The following CEP192 variants were observed in gnomAD, a reference collection of about 807,000 sequenced individuals.
CEP192 encodes the protein centrosomal protein 192, also known as centrosomal protein of 192 kDa.
In CEP192, 151 loss-of-function variants were observed where a neutral mutation model predicts 271.8. That is an observed-to-expected ratio of 0.56 (90% CI 0.49 to 0.64). CEP192 has a LOEUF of 0.64. CEP192 is among the 30% of genes least tolerant of loss of function. The probability of loss-of-function intolerance (pLI) is 0.00; values close to 1 mark genes in which losing one functional copy is unlikely to be tolerated. For synonymous variants in CEP192, 995 were observed against 1,076.5 expected, an observed-to-expected ratio of 0.92 and a Z score of 1.48; for missense variants, 2,910 against 3,020.5, an observed-to-expected ratio of 0.96 and a Z score of 0.86.
chr18:13,087,533 T>C lies in CEP192; in HGVS notation c.5880T>C (p.Asn1960=). The C allele has an allele frequency of 7.2e-7, 1 of 1,381,696 alleles. No individual in the cohort carries two copies. Among genetic ancestry groups the C allele is most frequent in the Non-Finnish European group, 1.0e-6 (1 of 999,842 alleles). The allele number at this position is 1,381,696 out of a possible 1,614,324, so 85.6% of individuals were successfully genotyped here. A position where few individuals can be genotyped will look rare whatever the true frequency, so the allele number is the denominator to read the frequency against. ...KFVLKERTQE[N]VTLIYNPSDR... ...TGATTTTTTTTTCTTGGCATCAGAATGTTACTTTAATATATAATCCATCAG... is the reference window on the plus strand; with the variant it reads ...TGATTTTTTTTTCTTGGCATCAGAACGTTACTTTAATATATAATCCATCAG... The change falls in exon 32 of 45, where the codon AAT becomes AAC. Residue 1960 remains asparagine (N), a splice_region_variant and synonymous_variant. Coordinates refer to ENST00000506447, the MANE Select transcript of CEP192 (RefSeq NM_032142.4).
chr18:13,106,691 C>CT (rs1395740429), intron 40 of CEP192, among the ~76,000 whole-genome samples: 1 of 151,062 alleles, frequency 6.6e-6, no homozygotes, highest in Non-Finnish European at 1.5e-5. Context: ...ACCACTCCCA[C>CT]TTACAACTAC....
intron 20 of CEP192, 52 bp from the exon 21 acceptor site, chr18:13,059,030 T>G: frequency 8.7e-7 from 1 of 1,150,802 alleles, no homozygotes; most frequent in South Asian, 1.3e-5. Context: ...TGATTCTACT[T>G]GATTTTCAGT....
chr18:13,048,015 T>A (rs1035775249), intron 15 of CEP192, among the ~76,000 whole-genome samples: 1 of 152,196 alleles, frequency 6.6e-6, no homozygotes, highest in Non-Finnish European at 1.5e-5. Context: ...GTCTTTTTCA[T>A]TAGGATATTT....
At chr18:13,108,306 G>T (rs878859069) in intron 40 of CEP192, among the ~76,000 whole-genome samples, 1 of 151,994 alleles carries the variant, frequency 6.6e-6, no homozygotes, top group Non-Finnish European at 1.5e-5. Context: ...TGACAAATGG[G>T]ACCTAATTAA....
At chr18:13,114,053 G>A (rs184648424) in intron 41 of CEP192, 77 bp from the exon 42 acceptor site, 12 of 1,482,000 alleles carry the variant, frequency 8.1e-6, no homozygotes, top group Non-Finnish European at 1.1e-5. Context: ...GGAAATGATA[G>A]AATTCAAATA....
At chr18:13,109,385 G>T (rs1016913016) in intron 40 of CEP192, among the ~76,000 whole-genome samples, 1 of 152,182 alleles carries the variant, frequency 6.6e-6, no homozygotes, top group Non-Finnish European at 1.5e-5. Flanking sequence ...AGAAACTGGG[G>T]ACTACTGGAA....
At chr18:13,088,790 C>T (rs1187749724) in intron 32 of CEP192, 6 of 272,374 alleles carry the variant, frequency 2.2e-5, no homozygotes, top group South Asian at 9.8e-5. Flanking sequence ...AATTTAATGG[C>T]GACTTGCTAC....
chr18:13,023,456 T>C (rs2143326264), intron 9 of CEP192, among the ~76,000 whole-genome samples: 1 of 149,706 alleles, frequency 6.7e-6, no homozygotes, highest in Non-Finnish European at 1.5e-5. Flanking sequence ...TTATCATGAA[T>C]GGGTGTTAGA....
chr18:13,098,679 G>T (rs941216507), intron 36 of CEP192, among the ~76,000 whole-genome samples: 1 of 150,402 alleles, frequency 6.6e-6, no homozygotes, highest in African/African-American at 2.5e-5. Flanking sequence ...AGGCAGAGAC[G>T]CTCCTCACTT....
chr18:12,998,041 G>C (rs999028628), intron 1 of CEP192, among the ~76,000 whole-genome samples: 1 of 152,042 alleles, frequency 6.6e-6, no homozygotes, highest in Non-Finnish European at 1.5e-5. Flanking sequence ...TCTCTTTAGT[G>C]GTCATAAAAC....
At chr18:13,084,057 C>T (rs929203203) in intron 30 of CEP192, among the ~76,000 whole-genome samples, 2 of 152,188 alleles carry the variant, frequency 1.3e-5, no homozygotes, top group Non-Finnish European at 2.9e-5. Flanking sequence ...AGGTGTCTCC[C>T]AGCTAGGCTA....
chr18:13,006,093 T>C (rs989006094), intron 3 of CEP192, among the ~76,000 whole-genome samples: 12 of 152,186 alleles, frequency 7.9e-5, no homozygotes, highest in African/African-American at 2.9e-4. Context: ...CTTCTAGTTT[T>C]TCCTTTTCTT....
At chr18:13,121,158 G>A (rs2040640188) in intron 44 of CEP192, among the ~76,000 whole-genome samples, 1 of 152,226 alleles carries the variant, frequency 6.6e-6, no homozygotes, top group Non-Finnish European at 1.5e-5. Context: ...GCAGCAGTTA[G>A]CTTGCCTTGG....
Position 13,114,178 on chromosome 18 carries a change from T to TC in CEP192, c.7219dup (p.Leu2407ProfsTer3). ...TGAAAACGCATGCCTTTCCACGGATTCCCTCATTAAAATAGATCATTTAGT... is the reference window on the plus strand; with the variant it reads ...TGAAAACGCATGCCTTTCCACGGATTCCCCTCATTAAAATAGATCATTTAGT... On this transcript the variant is annotated frameshift_variant, in exon 42 of 45. Transcript: ENST00000506447. LOFTEE classifies it high-confidence loss of function. 6.2e-7 allele frequency: 1 copy of TC among 1,614,070 alleles called. No homozygotes were observed. The highest frequency in any genetic ancestry group is 8.5e-7 in the Non-Finnish European group (1 of 1,179,962).
chr18:13,006,112 A>G (rs2033962152), intron 3 of CEP192, among the ~76,000 whole-genome samples: 1 of 151,954 alleles, frequency 6.6e-6, no homozygotes, highest in African/African-American at 2.4e-5. Flanking sequence ...TTTTTCCAGA[A>G]CTACTGTTTT....
chr18:13,004,930 T>A (rs912580196), intron 3 of CEP192, among the ~76,000 whole-genome samples: 14 of 151,994 alleles, frequency 9.2e-5, no homozygotes, highest in African/African-American at 3.1e-4. Context: ...GGCTTTAGGT[T>A]AAGGAGGAGG....
chr18:13,042,086 T>C, intron 14 of CEP192, 118 bp from the exon 15 acceptor site: 2 of 727,886 alleles, frequency 2.7e-6, no homozygotes, highest in Non-Finnish European at 2.2e-6. Flanking sequence ...GCAACTGACA[T>C]TTGGGGTACA....
chr18:13,094,115 C>T lies in CEP192; in HGVS notation c.6255-1388C>T, dbSNP rs532269838. 5.9e-5 allele frequency among the ~76,000 whole-genome samples: 9 copies of T among 152,312 alleles called. No individual in the cohort carries two copies. In the East Asian group the frequency reaches 7.7e-4, roughly 13 times the overall value. ...GATGCTGTTTGTTTTCTTGGTGCAT[C>T]TTCTCAGGCAGTGTACAGTGCTGAT... On this transcript the variant is annotated intron_variant, in intron 34 of 44. Transcript: ENST00000506447.
At chr18:13,084,222 C>T (rs1253931230) in intron 30 of CEP192, among the ~76,000 whole-genome samples, 2 of 152,184 alleles carry the variant, frequency 1.3e-5, no homozygotes, top group Non-Finnish European at 2.9e-5. Context: ...ATGCCCTGCC[C>T]CTAGAGGTGG....
Sources: gnomAD v4.1 joint callset for allele counts (sites outside exome capture counted in the v4.1 genomes callset) on GRCh38, gnomAD v4.1.1 for gene constraint, MANE v1.5 for transcripts, NCBI Gene and HGNC (gene_info 2026-07-23, HGNC 2026-07-21) for gene names.